Variants in ADAMTSL1 observed in about 807,000 individuals in gnomAD.
ADAMTSL1 encodes ADAMTS-like protein 1.
ADAMTSL1 carries 126 observed loss-of-function variants against 201.8 expected under a neutral mutation model. The observed-to-expected ratio is 0.62, with a 90% CI of 0.54 to 0.72. The LOEUF (loss-of-function observed/expected upper bound fraction) is 0.72, where lower values mean the gene tolerates loss of function less well. ADAMTSL1 is among the 30% of genes least tolerant of loss of function. ADAMTSL1 has a pLI of 0.00. For synonymous variants in ADAMTSL1, 1,121 were observed against 903.4 expected, an observed-to-expected ratio of 1.24 and a Z score of -4.32; for missense variants, 2,679 against 2,277.8, an observed-to-expected ratio of 1.18 and a Z score of -3.59.
At chr9:18,845,820 T>C (rs1214766708) in intron 23 of ADAMTSL1, among the ~76,000 whole-genome samples, 1 of 152,226 alleles carries the variant, frequency 6.6e-6, no homozygotes, top group East Asian at 1.9e-4. Context: ...CACGCTGGTA[T>C]GAAAACTGTG....
intron 1 of ADAMTSL1, among the ~76,000 whole-genome samples, chr9:17,964,401 A>C (rs1411126411): frequency 3.0e-4 from 45 of 152,162 alleles, no homozygotes; most frequent in Admixed American, 2.9e-3. Context: ...TCTTGAAGTG[A>C]CAAAATTATA....
chr9:18,135,001 CA>C (rs1327538113), intron 1 of ADAMTSL1, among the ~76,000 whole-genome samples: 1 of 152,132 alleles, frequency 6.6e-6, no homozygotes, highest in East Asian at 1.9e-4. Context: ...CTTAGAAAAA[CA>C]CGGGATCAGA....
chr9:18,119,546 G>A (rs992583514), intron 1 of ADAMTSL1, among the ~76,000 whole-genome samples: 19 of 151,938 alleles, frequency 1.3e-4, no homozygotes, highest in Admixed American at 5.2e-4. Flanking sequence ...CAGGTGATCC[G>A]CCCAGCTTGG....
In ADAMTSL1 at chr9:17,924,205, A is replaced by G. The variant is rs1252351248; in HGVS notation, c.87+17283A>G. Reference sequence around the variant, plus strand: ...GAATAGTTTCAGAAGGAATGGTACCAGTTCCTCCTTGTACCTCTGGTAGAA... The same window carrying G: ...GAATAGTTTCAGAAGGAATGGTACCGGTTCCTCCTTGTACCTCTGGTAGAA... On this transcript the variant is annotated intron_variant, in intron 1 of 29. Transcript: ENST00000680146. Among the ~76,000 whole-genome samples, 30 of 152,040 alleles carry G rather than the reference A, an allele frequency of 2.0e-4. No individual in the cohort carries two copies. In the East Asian group the frequency reaches 5.8e-3, roughly 29 times the overall value.
At chr9:18,572,823 G>A (rs1270431737) in intron 3 of ADAMTSL1, among the ~76,000 whole-genome samples, 1 of 152,084 alleles carries the variant, frequency 6.6e-6, no homozygotes, top group Non-Finnish European at 1.5e-5. Flanking sequence ...GTAGTAACAG[G>A]GAACTGCTGA....
At chr9:18,614,058 G>T (rs1390289737) in intron 4 of ADAMTSL1, among the ~76,000 whole-genome samples, 2 of 152,130 alleles carry the variant, frequency 1.3e-5, no homozygotes, top group East Asian at 1.9e-4. Flanking sequence ...GCAACTCAGG[G>T]CTGTCCTAAG....
intron 20 of ADAMTSL1, among the ~76,000 whole-genome samples, chr9:18,806,991 C>A (rs1285967200): frequency 6.6e-6 from 1 of 152,184 alleles, no homozygotes; most frequent in East Asian, 1.9e-4. Context: ...TTACTTCTAA[C>A]AGGAACTATA....
chr9:18,354,977 T>C lies in ADAMTSL1; in HGVS notation c.208-149852T>C, dbSNP rs190592766. Among the ~76,000 whole-genome samples the C allele has an allele frequency of 2.2e-3, 339 of 151,940 alleles. 2 individuals are homozygous for C. The highest frequency in any genetic ancestry group is 0.016 in the South Asian group (77 of 4,810). On this transcript the variant is annotated intron_variant, in intron 2 of 29. Transcript: ENST00000680146. Reference sequence around the variant, plus strand: ...CAAAGCAAGACTCCATCTCTATAAATAAACAAACAAACAAACAAACAAACA... The same window carrying C: ...CAAAGCAAGACTCCATCTCTATAAACAAACAAACAAACAAACAAACAAACA...
At chr9:18,099,355 A>ATATATATATTTTTTT (rs1239180390) in intron 1 of ADAMTSL1, among the ~76,000 whole-genome samples, 5 of 45,530 alleles carry the variant, frequency 1.1e-4, no homozygotes, top group African/African-American at 4.1e-4. Flanking sequence ...ATATATATAT[A>ATATATATATTTTTTT]TTTTTTTTTT....
Position 18,843,553 on chromosome 9 carries a change from C to G in ADAMTSL1, c.4249+13576C>G, listed in dbSNP as rs1013389670. On this transcript the variant is annotated intron_variant, in intron 23 of 28. Coordinates refer to ENST00000380548, the MANE Select transcript of ADAMTSL1 (RefSeq NM_001040272.6). ...TCGAGGAGTATCTTTGTGGTGTTCT[C>G]TGTATTTCCTGAATCTGAATGTTGC... Among the ~76,000 whole-genome samples, 4 of 150,536 alleles carry G rather than the reference C, an allele frequency of 2.7e-5. No homozygotes were observed. The East Asian group carries it at 7.7e-4, about 29-fold the overall frequency.
intron 15 of ADAMTSL1, among the ~76,000 whole-genome samples, chr9:18,733,599 T>C (rs904185935): frequency 1.3e-5 from 2 of 151,786 alleles, no homozygotes; most frequent in Non-Finnish European, 2.9e-5. Context: ...GTGATGCTTG[T>C]TCATGTTGTA....
At chr9:18,771,979 T>C (rs1242556593) in intron 17 of ADAMTSL1, among the ~76,000 whole-genome samples, 1 of 152,204 alleles carries the variant, frequency 6.6e-6, no homozygotes, top group Non-Finnish European at 1.5e-5. Flanking sequence ...TAAAACTGCT[T>C]CTTGTGGTAT....
chr9:18,038,649 G>A (rs114692560), intron 1 of ADAMTSL1, among the ~76,000 whole-genome samples: 2,620 of 152,222 alleles, frequency 0.017, 75 homozygotes, highest in African/African-American at 0.06. Context: ...CCTAAGGGAG[G>A]GTGTGCTGGC....
intron 2 of ADAMTSL1, among the ~76,000 whole-genome samples, chr9:18,167,190 C>T (rs1301674857): frequency 6.6e-6 from 1 of 151,894 alleles, no homozygotes; most frequent in African/African-American, 2.4e-5. Context: ...TGATTGTAAG[C>T]TGGATGCAAA....
intron 4 of ADAMTSL1, among the ~76,000 whole-genome samples, chr9:18,589,261 T>C (rs117325062): frequency 6.6e-6 from 1 of 152,134 alleles, no homozygotes; most frequent in Admixed American, 6.5e-5. Context: ...CTGTCATCAA[T>C]GTTTTAGTTT....
intron 7 of ADAMTSL1, among the ~76,000 whole-genome samples, chr9:18,655,028 C>A (rs1048747197): frequency 1.3e-5 from 2 of 152,208 alleles, no homozygotes; most frequent in African/African-American, 2.4e-5. Context: ...GACTGCCAGC[C>A]CCCTTGCTGG....
At chr9:17,939,428 T>C (rs985431413) in intron 1 of ADAMTSL1, among the ~76,000 whole-genome samples, 2 of 152,124 alleles carry the variant, frequency 1.3e-5, no homozygotes, top group Non-Finnish European at 2.9e-5. Flanking sequence ...TTATGCTGTA[T>C]TCAATGTCTA....
chr9:18,001,993 A>C (rs1819630122), intron 1 of ADAMTSL1, among the ~76,000 whole-genome samples: 1 of 151,960 alleles, frequency 6.6e-6, no homozygotes, highest in Non-Finnish European at 1.5e-5. Context: ...AGAAGGAGCT[A>C]AGGGCAGTTG....
At chr9:17,986,400 T>C (rs1013858023) in intron 1 of ADAMTSL1, among the ~76,000 whole-genome samples, 19 of 151,946 alleles carry the variant, frequency 1.3e-4, no homozygotes, top group African/African-American at 4.3e-4. Context: ...TTTGAAGACA[T>C]ACCAGATAGA....
Sources: allele counts gnomAD v4.1 joint callset (sites outside exome capture counted in the v4.1 genomes callset), GRCh38; gene constraint gnomAD v4.1.1; transcripts MANE v1.5; gene names NCBI Gene and HGNC (gene_info 2026-07-23, HGNC 2026-07-21).